Variants in CTDSPL observed in about 807,000 individuals in gnomAD.
CTDSPL encodes the protein CTD small phosphatase-like protein.
A neutral mutation model predicts 30.5 loss-of-function variants in CTDSPL; 8 were observed. The observed-to-expected ratio is 0.26, with a 90% CI of 0.15 to 0.47. CTDSPL has a LOEUF of 0.47. Among genes scored for constraint, CTDSPL ranks in the 20% least tolerant of loss-of-function variants. The probability of loss-of-function intolerance (pLI) is 0.99; values close to 1 mark genes in which losing one functional copy is unlikely to be tolerated. For synonymous variants in CTDSPL, 110 were observed against 137.9 expected, an observed-to-expected ratio of 0.80 and a Z score of 1.42; for missense variants, 248 against 366.1, an observed-to-expected ratio of 0.68 and a Z score of 2.63.
intron 1 of CTDSPL, chr3:37,911,730 C>T (rs1698584808): frequency 4.4e-6 from 2 of 456,500 alleles, no homozygotes; most frequent in Non-Finnish European, 8.8e-6. Flanking sequence ...AAGTTGTCTA[C>T]ACACCTGGGT....
At chr3:37,901,736 A>G (rs1698452775) in intron 1 of CTDSPL, among the ~76,000 whole-genome samples, 1 of 152,202 alleles carries the variant, frequency 6.6e-6, no homozygotes. Context: ...TTAGATCTGC[A>G]GCTCTGCCAT....
chr3:37,933,312 C>T (rs767197699), intron 1 of CTDSPL, among the ~76,000 whole-genome samples: 4 of 152,186 alleles, frequency 2.6e-5, no homozygotes, highest in Non-Finnish European at 5.9e-5. Context: ...ATTCTCCTCT[C>T]CCTTCCAGTT....
chr3:37,968,862 A>C (rs1310559554), intron 5 of CTDSPL, among the ~76,000 whole-genome samples: 1 of 152,216 alleles, frequency 6.6e-6, no homozygotes, highest in African/African-American at 2.4e-5. Flanking sequence ...TGAAAATTCC[A>C]GTCTCCTGCC....
chr3:37,930,206 T>A (rs1226400418), intron 1 of CTDSPL, among the ~76,000 whole-genome samples: 1 of 152,106 alleles, frequency 6.6e-6, no homozygotes, highest in South Asian at 2.1e-4. Context: ...TAGTTTCATT[T>A]CATGGTCAGA....
chr3:37,936,794 T>C (rs893219527), intron 1 of CTDSPL, among the ~76,000 whole-genome samples: 1 of 152,160 alleles, frequency 6.6e-6, no homozygotes, highest in African/African-American at 2.4e-5. Flanking sequence ...ACTTGGGCAA[T>C]TTCAGTGTTC....
intron 1 of CTDSPL, among the ~76,000 whole-genome samples, chr3:37,932,831 A>C (rs1698870082): frequency 6.6e-6 from 1 of 152,186 alleles, no homozygotes; most frequent in South Asian, 2.1e-4. Flanking sequence ...AATTTCTTCT[A>C]AGGGGATAAT....
At chr3:37,881,003 C>T (rs1410519633) in intron 1 of CTDSPL, among the ~76,000 whole-genome samples, 1 of 148,780 alleles carries the variant, frequency 6.7e-6, no homozygotes, top group African/African-American at 2.5e-5. Flanking sequence ...CTGCAGCTTA[C>T]TTGCTCTTGA....
At chr3:37,892,760 A>G (rs1224527361) in intron 1 of CTDSPL, among the ~76,000 whole-genome samples, 2 of 152,186 alleles carry the variant, frequency 1.3e-5, no homozygotes, top group Non-Finnish European at 2.9e-5. Flanking sequence ...TGGGAGGGTC[A>G]ATCCTTACAG....
chr3:37,949,042 G>T (rs950428359), intron 2 of CTDSPL, among the ~76,000 whole-genome samples: 2 of 150,502 alleles, frequency 1.3e-5, no homozygotes, highest in Non-Finnish European at 3.0e-5. Flanking sequence ...GGATGGTCTC[G>T]ATCTCCTGAC....
intron 5 of CTDSPL, among the ~76,000 whole-genome samples, chr3:37,971,130 G>T (rs1362731008): frequency 6.6e-6 from 1 of 152,166 alleles, no homozygotes; most frequent in Non-Finnish European, 1.5e-5. Context: ...CCATTTGCTG[G>T]CCCTGAATAT....
intron 1 of CTDSPL, among the ~76,000 whole-genome samples, chr3:37,872,567 T>G (rs1698086724): frequency 7.0e-6 from 1 of 143,856 alleles, no homozygotes; most frequent in Non-Finnish European, 1.5e-5. Flanking sequence ...TTTAAATTCT[T>G]TTATCTTTTT....
At chr3:37,885,759 A>G (rs1322569113) in intron 1 of CTDSPL, among the ~76,000 whole-genome samples, 1 of 152,158 alleles carries the variant, frequency 6.6e-6, no homozygotes, top group African/African-American at 2.4e-5. Flanking sequence ...GTGAGAAAGT[A>G]GGTTCTGAAG....
In CTDSPL at chr3:37,862,126, C is replaced by T. The variant is rs1441830858; in HGVS notation, c.-74C>T. ...CGCCCCCCCGCGCCGCGCCCCCGCG[C>T]CCCCCGCGCCGCGCCCCCGCGCGCT... is the stretch of plus-strand genomic sequence containing the variant. On this transcript the variant is annotated 5_prime_UTR_variant, in exon 1 of 8. Coordinates refer to ENST00000273179, the MANE Select transcript of CTDSPL (RefSeq NM_001008392.2). The surrounding 1 kb of genome is among the most constrained non-coding windows in gnomAD (Gnocchi z 4.3). 1 of 690,500 alleles carries T rather than the reference C, an allele frequency of 1.4e-6. No individual in the cohort carries two copies. Among genetic ancestry groups the T allele is most frequent in the South Asian group, 6.5e-5 (1 of 15,496 alleles). 42.8% of individuals were successfully genotyped at this position (690,500 alleles called of 1,614,324 possible).
At chr3:37,879,086 A>G (rs1448905776) in intron 1 of CTDSPL, among the ~76,000 whole-genome samples, 1 of 151,876 alleles carries the variant, frequency 6.6e-6, no homozygotes, top group Non-Finnish European at 1.5e-5. Context: ...ACTACCCAAA[A>G]CAAAAGGGAA....
intron 1 of CTDSPL, among the ~76,000 whole-genome samples, chr3:37,907,621 G>A (rs960235461): frequency 2.0e-5 from 3 of 152,198 alleles, no homozygotes; most frequent in Non-Finnish European, 4.4e-5. Flanking sequence ...GTACCACAGT[G>A]TATTTATCAC....
intron 1 of CTDSPL, among the ~76,000 whole-genome samples, chr3:37,934,288 C>T (rs1213978960): frequency 6.6e-6 from 1 of 150,926 alleles, no homozygotes; most frequent in Admixed American, 6.6e-5. Context: ...GATTGCACCA[C>T]ACACTCCAGC....
intron 1 of CTDSPL, among the ~76,000 whole-genome samples, chr3:37,941,477 G>A (rs1434492000): frequency 1.4e-5 from 2 of 146,774 alleles, no homozygotes. Flanking sequence ...GTGTGGTGGC[G>A]TTATGTCAGC....
chr3:37,906,134 T>C (rs1250548213), intron 1 of CTDSPL, among the ~76,000 whole-genome samples: 1 of 152,190 alleles, frequency 6.6e-6, no homozygotes, highest in Admixed American at 6.5e-5. Context: ...AGCCGACCAG[T>C]GGGGACTCTA....
chr3:37,956,035 G>A (rs1246072705), intron 2 of CTDSPL, among the ~76,000 whole-genome samples: 3 of 152,188 alleles, frequency 2.0e-5, no homozygotes, highest in Non-Finnish European at 2.9e-5. Flanking sequence ...CTTGAGTGAT[G>A]TCAGAAGGAA....
Sources: gnomAD v4.1 joint callset for allele counts (sites outside exome capture counted in the v4.1 genomes callset) on GRCh38, gnomAD v4.1.1 for gene constraint, Gnocchi (gnomAD v3.1) non-coding constraint, MANE v1.5 for transcripts, NCBI Gene and HGNC (gene_info 2026-07-23, HGNC 2026-07-21) for gene names.